The following BMP1 variants were observed in gnomAD, a reference collection of about 807,000 sequenced individuals.
BMP1 encodes the protein bone morphogenetic protein 1.
A neutral mutation model predicts 116.8 loss-of-function variants in BMP1; 63 were observed. The observed-to-expected ratio is 0.54, with a 90% CI of 0.44 to 0.67. BMP1 has a LOEUF of 0.67. Among genes scored for constraint, BMP1 ranks in the 30% least tolerant of loss-of-function variants. The probability of loss-of-function intolerance (pLI) is 0.00; values close to 1 mark genes in which losing one functional copy is unlikely to be tolerated. For missense variants in BMP1, 1,183 were observed against 1,358.9 expected (o/e 0.87, Z 2.04); for synonymous variants, 536 against 533.4 (o/e 1.00, Z -0.07).
chr8:22,187,959 T>G (rs987676012), intron 8 of BMP1, among the ~76,000 whole-genome samples: 3 of 151,966 alleles, frequency 2.0e-5, no homozygotes, highest in Admixed American at 1.3e-4. Context: ...TGCGGCAAGG[T>G]CAGATTGAAG....
Position 22,179,623 on chromosome 8 carries a change from T to A in BMP1, c.837-82T>A. 2 of 1,602,118 alleles carry A rather than the reference T, an allele frequency of 1.2e-6. No individual in the cohort carries two copies. The highest frequency in any genetic ancestry group is 1.7e-6 in the Non-Finnish European group (2 of 1,173,242). The stretch of plus-strand genomic sequence containing the variant: ...TCTGAGCTCCAGCAGGGTCGTGACT[T>A]GTGGGTACAGATGGGCATGCCACCC... On this transcript the variant is annotated intron_variant, in intron 6 of 19. Transcript: ENST00000306385. The surrounding 1 kb of genome is among the most constrained non-coding windows in gnomAD (Gnocchi z 4.6).
chr8:22,206,770 G>A, intron 16 of BMP1, 84 bp from the exon 17 acceptor site: 1 of 1,569,146 alleles, frequency 6.4e-7, no homozygotes, highest in South Asian at 1.1e-5. Flanking sequence ...AAGGAGGGGG[G>A]GCAGGAGGGA....
chr8:22,200,412 G>A (rs564094177), intron 15 of BMP1, among the ~76,000 whole-genome samples: 6 of 152,306 alleles, frequency 3.9e-5, no homozygotes, highest in South Asian at 2.1e-4. Flanking sequence ...CTGTGTGTGC[G>A]TTGATATCTG....
chr8:22,195,280 T>C (rs940515028), intron 12 of BMP1, among the ~76,000 whole-genome samples, 182 bp from the exon 13 acceptor site: 3 of 152,168 alleles, frequency 2.0e-5, no homozygotes, highest in Admixed American at 6.5e-5. Context: ...GAGGGGTCCT[T>C]AGTCAGGGAA....
intron 19 of BMP1, among the ~76,000 whole-genome samples, chr8:22,210,468 T>TCTCTCTCTCTCTCTCTCACACACA (rs10664439): frequency 7.4e-6 from 1 of 135,500 alleles, no homozygotes; most frequent in Admixed American, 7.4e-5. Flanking sequence ...TCTCTCTCTC[T>TCTCTCTCTCTCTCTCTCACACACA]CACACACATA....
In BMP1 at chr8:22,176,136, C is replaced by T. The variant is rs1023346004; in HGVS notation, c.263-7C>T. ...CACTCACTAGTCACCATGACTTCCT[C>T]TCTCAGTTCCAGGAAACACTTCTAC... On this transcript the variant is annotated splice_region_variant and splice_polypyrimidine_tract_variant and intron_variant, in intron 2 of 19. Transcript: ENST00000306385. The T allele has an allele frequency of 2.5e-6, 4 of 1,613,922 alleles. No individual in the cohort carries two copies. Among genetic ancestry groups the T allele is most frequent in the Non-Finnish European group, 3.4e-6 (4 of 1,179,924 alleles).
intron 8 of BMP1, among the ~76,000 whole-genome samples, chr8:22,182,166 T>C (rs759176255): frequency 6.6e-6 from 1 of 152,252 alleles, no homozygotes; most frequent in Non-Finnish European, 1.5e-5. Context: ...GATTCAATTC[T>C]ATTATTGATT....
At chr8:22,198,531 T>G in intron 15 of BMP1, 1 of 152,772 alleles carries the variant, frequency 6.5e-6, no homozygotes, top group Non-Finnish European at 1.5e-5. Context: ...AGGGCAGGAG[T>G]GGAGTTGAGC....
chr8:22,176,484 G>T (rs1262060333), intron 3 of BMP1, 49 bp from the exon 4 acceptor site: 3 of 1,595,196 alleles, frequency 1.9e-6, no homozygotes. Flanking sequence ...TGGGTAGGGG[G>T]TGGGACTGCC....
At chr8:22,200,283 C>G (rs952859065) in intron 15 of BMP1, among the ~76,000 whole-genome samples, 5 of 152,176 alleles carry the variant, frequency 3.3e-5, no homozygotes, top group Admixed American at 2.6e-4. Context: ...GCCGTTGCTC[C>G]TCTGTGAGCC....
intron 18 of BMP1, 22 bp downstream of exon 18, chr8:22,207,538 G>C (rs760258792): frequency 6.2e-7 from 1 of 1,608,872 alleles, no homozygotes; most frequent in Admixed American, 1.7e-5. Context: ...GGTTGTGGGA[G>C]TGTTCACTGA....
intron 1 of BMP1, chr8:22,171,724 A>C (rs904200849): frequency 6.6e-6 from 1 of 152,110 alleles, no homozygotes; most frequent in African/African-American, 2.4e-5. Context: ...GGTTCAGTTA[A>C]GTTGTTGCTT....
chr8:22,178,603 T>C (rs1179984125), intron 6 of BMP1, among the ~76,000 whole-genome samples: 1 of 152,106 alleles, frequency 6.6e-6, no homozygotes. Flanking sequence ...TCTGCTTTTT[T>C]TGTAATTGGC....
chr8:22,199,120 G>A, intron 15 of BMP1: 1 of 1,367,616 alleles, frequency 7.3e-7, no homozygotes, highest in Non-Finnish European at 9.8e-7. Context: ...CCCACCCTCA[G>A]CCCTGCACGG....
rs751620502 is a variant in BMP1 at position 22,177,012 on chromosome 8, C to T, written c.603C>T (p.Ile201=). 1.1e-5 allele frequency: 18 copies of T among 1,612,742 alleles called. No individual in the cohort carries two copies. The highest frequency in any genetic ancestry group is 1.4e-5 in the Non-Finnish European group (17 of 1,179,634). The change falls in exon 5 of 20, where the codon ATC becomes ATT. Residue 201 remains isoleucine (I), a synonymous_variant. Transcript: ENST00000306385. ...GCGGGGGCCCCCAGGCCATCTCCAT[C>T]GGCAAGAACTGTGACAAGTTCGGCA... ...RRGGGPQAIS[I]GKNCDKFGIV...
rs769130167 is a variant in BMP1, at chr8:22,176,494, C to G, written c.434-39C>G. 19 of 1,606,884 alleles carry G rather than the reference C, an allele frequency of 1.2e-5. No homozygotes were observed. The African/African-American group carries it at 2.5e-4, about 21-fold the overall frequency. ...AGTGGTGGGTAGGGGGTGGGACTGC[C>G]TGGACACCGTGGCAACCTGGCTTCC... On this transcript the variant is annotated intron_variant, in intron 3 of 19. Transcript: ENST00000306385.
intron 3 of BMP1, 29 bp downstream of exon 3, chr8:22,176,342 G>A (rs1385771434): frequency 8.3e-6 from 13 of 1,572,820 alleles, no homozygotes; most frequent in African/African-American, 1.3e-5. Flanking sequence ...GTCCCAGAGT[G>A]TAACCAGCTT....
In BMP1 at chr8:22,181,714, G is replaced by A. The variant is rs541593271; in HGVS notation, c.1077+1231G>A. The stretch of plus-strand genomic sequence containing the variant: ...ACTGCAGATGTGCGCTACCATGCCC[G>A]GCAATTTTTTTTCTATTTTTGGTCG... On this transcript the variant is annotated intron_variant, in intron 8 of 19. Coordinates refer to ENST00000306385, the MANE Select transcript of BMP1 (RefSeq NM_006129.5). Among the ~76,000 whole-genome samples the A allele has an allele frequency of 1.3e-4, 20 of 152,128 alleles. No homozygotes were observed. The East Asian group carries it at 3.5e-3, about 26-fold the overall frequency.
At chr8:22,198,841 C>T (rs983553904) in intron 15 of BMP1, 2 of 780,920 alleles carry the variant, frequency 2.6e-6, no homozygotes, top group South Asian at 2.3e-5. Context: ...TGCCCCCAAC[C>T]CCCGCTTGCT....
Sources: gnomAD v4.1 joint callset for allele counts (sites outside exome capture counted in the v4.1 genomes callset) on GRCh38, gnomAD v4.1.1 for gene constraint, Gnocchi (gnomAD v3.1) non-coding constraint, MANE v1.5 for transcripts, NCBI Gene and HGNC (gene_info 2026-07-23, HGNC 2026-07-21) for gene names.